PLCD4: variants seen among roughly 807,000 people sequenced by gnomAD.
The protein encoded by PLCD4 is phospholipase C delta 4.
Under a neutral mutation model 90.2 loss-of-function variants are expected in PLCD4, and 63 were observed. The ratio of observed to expected loss-of-function variants is 0.70; its 90% CI spans 0.57 to 0.86. The LOEUF is 0.86. PLCD4 is among the 40% of genes least tolerant of loss of function. The pLI is 0.00. For synonymous variants in PLCD4, 294 were observed against 356.5 expected (o/e 0.82, Z 1.97); for missense variants, 830 against 956.3 (o/e 0.87, Z 1.74).
Position 218,634,897 on chromosome 2 carries a change from A to G in PLCD4, c.1896+267A>G, listed in dbSNP as rs1171894824. Among the ~76,000 whole-genome samples, 5 of 152,306 alleles carry G rather than the reference A, an allele frequency of 3.3e-5. No individual in the cohort carries two copies. Among genetic ancestry groups the G allele is most frequent in the African/African-American group, 9.6e-5 (4 of 41,576 alleles). ...CCTGCCTCACAGGGTTATAAGGAGTATAACAGTTAATATAAAGTTCTTACA... is the reference window on the plus strand; with the variant it reads ...CCTGCCTCACAGGGTTATAAGGAGTGTAACAGTTAATATAAAGTTCTTACA... On this transcript the variant is annotated intron_variant, in intron 13 of 15. Transcript: ENST00000450993. This position sits in a 1 kb window ranked among gnomAD's most constrained non-coding sequence, Gnocchi z 4.0.
chr2:218,632,690 G>A (rs1024649827), intron 10 of PLCD4, among the ~76,000 whole-genome samples: 1 of 152,028 alleles, frequency 6.6e-6, no homozygotes, highest in Non-Finnish European at 1.5e-5. Context: ...AGTGATGAGC[G>A]GGTGTGTGTT....
At chr2:218,630,004 C>A (rs111843213) in intron 8 of PLCD4, among the ~76,000 whole-genome samples, 2,842 of 152,100 alleles carry the variant, frequency 0.019, 92 homozygotes, top group African/African-American at 0.065. Flanking sequence ...ATGGAGAAAC[C>A]CCGTCTCTAT....
intron 3 of PLCD4, among the ~76,000 whole-genome samples, chr2:218,617,541 C>T (rs1334233829): frequency 6.6e-6 from 1 of 151,482 alleles, no homozygotes; most frequent in Non-Finnish European, 1.5e-5. Flanking sequence ...TGTGCCATTG[C>T]ACTCCAGCCT....
chr2:218,609,529 A>G (rs1211735426), intron 1 of PLCD4: 1 of 152,152 alleles, frequency 6.6e-6, no homozygotes, highest in Admixed American at 6.6e-5. Flanking sequence ...TTTAAGACCA[A>G]CCTTTCTTAT....
chr2:218,617,518 A>G (rs1159825540), intron 3 of PLCD4, among the ~76,000 whole-genome samples: 2 of 151,694 alleles, frequency 1.3e-5, no homozygotes, highest in African/African-American at 4.8e-5. Context: ...CAGAGGTTAC[A>G]GTGAGCTGAG....
Position 218,628,169 on chromosome 2 carries a change from C to G in PLCD4, c.913C>G (p.His305Asp). Reference sequence around the variant, plus strand: ...GAACCACTACTTCATCTGCTCTTCTCATAACACCTACCTAGTGGGGGACCA... The same window carrying G: ...GAACCACTACTTCATCTGCTCTTCTGATAACACCTACCTAGTGGGGGACCA... ...PLNHYFICSS[H>D]NTYLVGDQLC... is the part of the protein sequence containing the mutation. Residue 305 changes from histidine to aspartate, a missense_variant, in exon 7 of 16, where the codon CAT (histidine) becomes GAT (aspartate). Physicochemically the swap from His to Asp is moderately conservative, Grantham distance 81 (BLOSUM62 -1). Transcript: ENST00000450993. The G allele has an allele frequency of 6.2e-7, 1 of 1,614,048 alleles. No homozygotes were observed. The highest frequency in any genetic ancestry group is 8.5e-7 in the Non-Finnish European group (1 of 1,179,896).
Position 218,616,040 on chromosome 2 carries a change from C to G in PLCD4, c.159C>G (p.Ala53=). ...DGMTVWHARQ[A]RGSAKPSFSI... is the part of the protein sequence containing the mutation. The stretch of plus-strand genomic sequence containing the variant: ...TGACAGTCTGGCATGCACGGCAGGC[C>G]AGGGGCAGTGCCAAGCCCAGCTGTG... Residue 53 remains alanine, a synonymous_variant, in exon 3 of 16, where the codon GCC becomes GCG. Transcript: ENST00000450993. The G allele has an allele frequency of 6.2e-7, 1 of 1,613,798 alleles. No homozygotes were observed. Among genetic ancestry groups the G allele is most frequent in the Non-Finnish European group, 8.5e-7 (1 of 1,179,866 alleles).
In PLCD4 at chr2:218,632,266, A is replaced by C. The variant is rs1336661509; in HGVS notation, c.1403A>C (p.Glu468Ala). 1 of 1,611,602 alleles carries C rather than the reference A, an allele frequency of 6.2e-7. No homozygotes were observed. The highest frequency in any genetic ancestry group is 1.7e-5 in the Admixed American group (1 of 59,664). ...ELALESQFET[E>A]PEPQEQNLQN... ...GCGCTGGAGTCCCAGTTTGAGACTGAGCCTGAGCCCCAGGAGCAGAACCTT... is the reference window on the plus strand; with the variant it reads ...GCGCTGGAGTCCCAGTTTGAGACTGCGCCTGAGCCCCAGGAGCAGAACCTT... The change falls in exon 10 of 16, where the codon GAG becomes GCG. Residue 468 changes from glutamate to alanine, a missense_variant. Coordinates refer to ENST00000450993, the MANE Select transcript of PLCD4 (RefSeq NM_032726.4).
intron 1 of PLCD4, among the ~76,000 whole-genome samples, chr2:218,614,693 C>T (rs1695501354): frequency 2.0e-5 from 3 of 151,922 alleles, no homozygotes; most frequent in South Asian, 2.1e-4. Flanking sequence ...TCTGGTGATC[C>T]GCCAGCCTCG....
At chr2:218,615,423 G>A (rs34972248) in intron 1 of PLCD4, among the ~76,000 whole-genome samples, 6,217 of 152,154 alleles carry the variant, frequency 0.041, 169 homozygotes, top group East Asian at 0.12. Flanking sequence ...AGAGGGTGGG[G>A]AGTGAGCAAA....
chr2:218,631,456 G>A (rs1431043037), intron 9 of PLCD4, among the ~76,000 whole-genome samples: 1 of 150,168 alleles, frequency 6.7e-6, no homozygotes, highest in Non-Finnish European at 1.5e-5. Flanking sequence ...GAGCTACTGC[G>A]CCTGGCCCTG....
At chr2:218,616,928 A>ATATATATATATATAT in intron 3 of PLCD4, among the ~76,000 whole-genome samples, 1 of 10,442 alleles carries the variant, frequency 9.6e-5, no homozygotes, top group Non-Finnish European at 1.7e-4. Context: ...ATATATATAT[A>ATATATATATATATAT]GAGAGAGAGA....
At position 218,632,209 on chromosome 2, in the gene PLCD4, A is replaced by G. The variant is rs1696412491; in HGVS notation, c.1346A>G (p.Glu449Gly). 5 of 1,611,406 alleles carry G rather than the reference A, an allele frequency of 3.1e-6. No homozygotes were observed. The highest frequency in any genetic ancestry group is 4.2e-6 in the Non-Finnish European group (5 of 1,178,908). Residue 449 changes from glutamate to glycine, a missense_variant, in exon 10 of 16, where the codon GAA (glutamate) becomes GGA (glycine). Transcript: ENST00000450993. The part of the protein sequence containing the change: ...LEEDLEYEEE[E>G]AEPELEESEL... Reference sequence around the variant, plus strand: ...GAAGACCTGGAATATGAGGAAGAGGAAGCAGAACCTGAGTTGGAAGAGTCA... The same window carrying G: ...GAAGACCTGGAATATGAGGAAGAGGGAGCAGAACCTGAGTTGGAAGAGTCA...
intron 4 of PLCD4, among the ~76,000 whole-genome samples, chr2:218,620,214 G>T (rs1162625334): frequency 6.6e-6 from 1 of 152,078 alleles, no homozygotes; most frequent in Non-Finnish European, 1.5e-5. Context: ...AATTAGCCAG[G>T]TGTGGCCAGG....
intron 10 of PLCD4, chr2:218,633,362 CTTTA>C: frequency 1.4e-6 from 1 of 704,056 alleles, no homozygotes; most frequent in Non-Finnish European, 2.6e-6. Flanking sequence ...TGCAGACCGC[CTTTA>C]TTCCCATTCC....
At position 218,630,752 on chromosome 2, in the gene PLCD4, C is replaced by G. The variant is rs1402631532; in HGVS notation, c.1222C>G (p.Leu408Val). ...HLTEILGEQL[L>V]STTLDGVLPT... is the part of the protein sequence containing the mutation. ...GACTGAGATCCTGGGGGAGCAGCTG[C>G]TGAGCACCACCTTGGATGGGGTGCT... The change falls in exon 9 of 16, where the codon CTG (leucine) becomes GTG (valine). Residue 408 changes from leucine (L) to valine (V), a missense_variant. Physicochemically the swap from Leu to Val is conservative, Grantham distance 32. Transcript: ENST00000450993. The G allele has an allele frequency of 6.2e-7, 1 of 1,613,848 alleles. No individual in the cohort carries two copies. Among genetic ancestry groups the G allele is most frequent in the African/African-American group, 1.3e-5 (1 of 74,934 alleles).
intron 2 of PLCD4, 27 bp downstream of exon 2, chr2:218,615,788 A>G (rs1277887353): frequency 1.2e-6 from 2 of 1,603,408 alleles, no homozygotes; most frequent in Non-Finnish European, 8.5e-7. Flanking sequence ...CTGCAGGGGA[A>G]GAGGCCTTAG....
chr2:218,629,745 A>G, intron 8 of PLCD4, 82 bp downstream of exon 8: 2 of 1,477,110 alleles, frequency 1.4e-6, no homozygotes, highest in Non-Finnish European at 1.9e-6. Context: ...GGGAGGGTGG[A>G]GGAGTACAGG....
Position 218,632,301 on chromosome 2 carries a change from G to T in PLCD4, c.1438G>T (p.Asp480Tyr). 6.2e-7 allele frequency: 1 copy of T among 1,606,856 alleles called. No individual in the cohort carries two copies. The highest frequency in any genetic ancestry group is 1.1e-5 in the South Asian group (1 of 89,496). The change falls in exon 10 of 16, where the codon GAC becomes TAC. Residue 480 changes from aspartate to tyrosine, a missense_variant. Physicochemically the swap from Asp to Tyr is radical, Grantham distance 160. Transcript: ENST00000450993. ...EPQEQNLQNK[D>Y]KKKKSKPILC... ...CCAGGAGCAGAACCTTCAGAATAAG[G>T]ACAAAAAGAAGGTAAGCCAGGAGTG...
Sources: gnomAD v4.1 joint callset for allele counts (sites outside exome capture counted in the v4.1 genomes callset) on GRCh38, gnomAD v4.1.1 for gene constraint, Gnocchi (gnomAD v3.1) non-coding constraint, MANE v1.5 for transcripts, NCBI Gene and HGNC (gene_info 2026-07-23, HGNC 2026-07-21) for gene names.